The following MAP3K20 variants were observed in gnomAD, a reference collection of about 807,000 sequenced individuals.
MAP3K20 encodes HCCS-4.
A neutral mutation model predicts 85.7 loss-of-function variants in MAP3K20; 40 were observed. That is an observed-to-expected ratio of 0.47 (90% confidence interval 0.36 to 0.61). The LOEUF (loss-of-function observed/expected upper bound fraction) is 0.61. MAP3K20 is among the 20% of genes least tolerant of loss of function. The pLI is 0.00. For missense variants in MAP3K20, 817 were observed against 961.7 expected, an observed-to-expected ratio of 0.85 and a Z score of 1.99; for synonymous variants, 325 against 327.7, an observed-to-expected ratio of 0.99 and a Z score of 0.09.
chr2:173,154,672 T>G (rs1689412567), intron 2 of MAP3K20, among the ~76,000 whole-genome samples: 2 of 152,218 alleles, frequency 1.3e-5, no homozygotes, highest in Non-Finnish European at 2.9e-5. Flanking sequence ...TTTATTTGAC[T>G]TCCAGCACTC....
intron 16 of MAP3K20, among the ~76,000 whole-genome samples, chr2:173,253,687 G>A (rs932832597): frequency 2.0e-5 from 3 of 152,140 alleles, no homozygotes; most frequent in Non-Finnish European, 4.4e-5. Context: ...TTTGAGAGTT[G>A]TTCACAGACA....
Position 173,169,933 on chromosome 2 carries a change from C to G in MAP3K20, c.247+41C>G, listed in dbSNP as rs1386679165. 4.5e-6 allele frequency: 7 copies of G among 1,567,618 alleles called. No individual in the cohort carries two copies. The South Asian group carries it at 7.8e-5, about 17-fold the overall frequency. ...TTGACTTCTTTCTTTTTCCAATTAC[C>G]TAGCTTTAGATTCCTTAATATGCTA... On this transcript the variant is annotated intron_variant, in intron 3 of 19. Transcript: ENST00000375213.
intron 11 of MAP3K20, chr2:173,224,184 T>A: frequency 9.6e-6 from 9 of 937,562 alleles, no homozygotes; most frequent in Non-Finnish European, 1.1e-5. Flanking sequence ...GGTGTTGAGG[T>A]TTTTAAAGTG....
At chr2:173,076,368 G>C (rs946390525) in intron 1 of MAP3K20, among the ~76,000 whole-genome samples, 1 of 152,126 alleles carries the variant, frequency 6.6e-6, no homozygotes, top group African/African-American at 2.4e-5. Flanking sequence ...CGTGCGGCAC[G>C]GGCAGGGGCT....
At chr2:173,254,515 C>T (rs1685116334) in intron 16 of MAP3K20, among the ~76,000 whole-genome samples, 1 of 151,596 alleles carries the variant, frequency 6.6e-6, no homozygotes, top group African/African-American at 2.4e-5. Context: ...GAAAAGGTTG[C>T]AGATATGTAA....
intron 2 of MAP3K20, among the ~76,000 whole-genome samples, chr2:173,162,687 CA>C (rs10708654): frequency 0.42 from 45,355 of 108,606 alleles, 7,762 homozygotes; most frequent in African/African-American, 0.54. Context: ...ACTCCGTCTC[CA>C]AAAAAAAAAA....
At chr2:173,167,586 C>G (rs1438161893) in intron 2 of MAP3K20, among the ~76,000 whole-genome samples, 1 of 152,014 alleles carries the variant, frequency 6.6e-6, no homozygotes, top group Non-Finnish European at 1.5e-5. Flanking sequence ...AATAAAACTG[C>G]AAATTTTTTT....
At position 173,075,990 on chromosome 2, in the gene MAP3K20, G is replaced by T; in HGVS notation, c.-47G>T. 1.0e-6 allele frequency: 1 copy of T among 984,860 alleles called. No homozygotes were observed. 61.0% of individuals were successfully genotyped at this position (984,860 alleles called of 1,614,324 possible). On this transcript the variant is annotated 5_prime_UTR_variant, in exon 1 of 20. Transcript: ENST00000375213. ...CGCCCCCGGCTGCTGCTCACGCCCC[G>T]CCCGGGAGCCAGGTAGGGGTCAGGC...
chr2:173,112,841 G>A (rs893394379), intron 2 of MAP3K20, among the ~76,000 whole-genome samples: 8 of 151,926 alleles, frequency 5.3e-5, no homozygotes, highest in African/African-American at 1.9e-4. Flanking sequence ...AAGGATTTTA[G>A]CATCTATGTT....
chr2:173,224,725 T>C, intron 11 of MAP3K20: 1 of 985,456 alleles, frequency 1.0e-6, no homozygotes, highest in Non-Finnish European at 1.2e-6. Flanking sequence ...TCTAGTGGTT[T>C]GAAAATGTTA....
intron 16 of MAP3K20, among the ~76,000 whole-genome samples, chr2:173,253,459 T>C (rs1157245117): frequency 1.3e-5 from 2 of 152,242 alleles, no homozygotes; most frequent in Admixed American, 6.5e-5. Context: ...AATCAAACTT[T>C]AAACTTGTGA....
intron 14 of MAP3K20, among the ~76,000 whole-genome samples, chr2:173,235,938 C>T (rs1365870896): frequency 6.6e-6 from 1 of 151,938 alleles, no homozygotes; most frequent in South Asian, 2.1e-4. Context: ...AAAAGTCAAA[C>T]GTTGGAAAAG....
intron 16 of MAP3K20, among the ~76,000 whole-genome samples, chr2:173,241,174 C>T (rs1300045183): frequency 6.6e-6 from 1 of 152,068 alleles, no homozygotes; most frequent in African/African-American, 2.4e-5. Context: ...TTTGATAGCA[C>T]AACAGGGTGA....
intron 2 of MAP3K20, among the ~76,000 whole-genome samples, chr2:173,148,969 A>C (rs1447065786): frequency 6.6e-6 from 1 of 152,212 alleles, no homozygotes. Context: ...TCAAGGGCTG[A>C]TTCTATAAAG....
chr2:173,254,077 A>AAAAAAAAAAAAATC (rs1685102769), intron 16 of MAP3K20, among the ~76,000 whole-genome samples: 2 of 150,308 alleles, frequency 1.3e-5, no homozygotes, highest in Admixed American at 1.3e-4. Context: ...TGTCAGAAAA[A>AAAAAAAAAAAAATC]AAAAAAAAAA....
intron 2 of MAP3K20, among the ~76,000 whole-genome samples, chr2:173,145,493 T>G (rs181025648): frequency 6.6e-6 from 1 of 152,322 alleles, no homozygotes; most frequent in East Asian, 1.9e-4. Context: ...AAAAGTTATA[T>G]GAATAATCAA....
intron 2 of MAP3K20, 72 bp downstream of exon 2, chr2:173,091,262 G>C: frequency 6.6e-7 from 1 of 1,515,562 alleles, no homozygotes; most frequent in Non-Finnish European, 9.0e-7. Context: ...TCGAGTTAGA[G>C]GGTCACAGGG....
chr2:173,209,912 A>AG, intron 10 of MAP3K20, 77 bp downstream of exon 10: 1 of 1,271,390 alleles, frequency 7.9e-7, no homozygotes, highest in Non-Finnish European at 1.1e-6. Flanking sequence ...AGTGAACCAG[A>AG]GATCTGAATG....
intron 8 of MAP3K20, among the ~76,000 whole-genome samples, chr2:173,203,009 G>GT (rs2106291501): frequency 6.6e-6 from 1 of 152,312 alleles, no homozygotes; most frequent in South Asian, 2.1e-4. Flanking sequence ...TTACATGAAT[G>GT]TAAATGGGGC....
Sources: allele counts gnomAD v4.1 joint callset (sites outside exome capture counted in the v4.1 genomes callset), GRCh38; gene constraint gnomAD v4.1.1; transcripts MANE v1.5; gene names NCBI Gene and HGNC (gene_info 2026-07-23, HGNC 2026-07-21).